EFNA5: variants seen among roughly 807,000 people sequenced by gnomAD.
EFNA5 encodes ephrin A5.
In EFNA5, 5 loss-of-function variants were observed where a neutral mutation model predicts 22.9. That is an observed-to-expected ratio of 0.22 (90% CI 0.11 to 0.46). The LOEUF is 0.46. EFNA5 is among the 20% of genes least tolerant of loss of function. The pLI, the probability that EFNA5 is intolerant of heterozygous loss-of-function variation, is 0.99. For synonymous variants in EFNA5, 113 were observed against 112.2 expected (o/e 1.01, Z -0.04); for missense variants, 237 against 293.3 (o/e 0.81, Z 1.40).
At chr5:107,482,710 C>T (rs1389760864) in intron 1 of EFNA5, among the ~76,000 whole-genome samples, 2 of 152,024 alleles carry the variant, frequency 1.3e-5, no homozygotes, top group Non-Finnish European at 2.9e-5. Context: ...AGGACCCTCC[C>T]TGCACCAGGC....
intron 1 of EFNA5, among the ~76,000 whole-genome samples, chr5:107,440,606 AC>A (rs1427481786): frequency 6.6e-6 from 1 of 152,200 alleles, no homozygotes; most frequent in Non-Finnish European, 1.5e-5. Context: ...CTTTGAGAAG[AC>A]AGGGTCACAA....
At chr5:107,403,096 C>T (rs973908540) in intron 2 of EFNA5, among the ~76,000 whole-genome samples, 1 of 152,182 alleles carries the variant, frequency 6.6e-6, no homozygotes, top group Non-Finnish European at 1.5e-5. Context: ...ACTCAAGATG[C>T]GCATGACATG....
At chr5:107,439,018 A>AT (rs570055022) in intron 1 of EFNA5, among the ~76,000 whole-genome samples, 91 of 151,798 alleles carry the variant, frequency 6.0e-4, no homozygotes, top group African/African-American at 2.0e-3. Context: ...CTATTTTAGG[A>AT]TTTTTTTTCT....
chr5:107,612,647 GC>G (rs1273938876), intron 1 of EFNA5, among the ~76,000 whole-genome samples: 1 of 152,100 alleles, frequency 6.6e-6, no homozygotes, highest in African/African-American at 2.4e-5. Context: ...GGATATAGAA[GC>G]AAACAGAAGC....
intron 1 of EFNA5, among the ~76,000 whole-genome samples, chr5:107,454,859 G>T (rs1454745853): frequency 6.6e-6 from 1 of 152,054 alleles, no homozygotes; most frequent in Admixed American, 6.6e-5. Flanking sequence ...TTCCACTGTG[G>T]CTATGAGAGA....
intron 1 of EFNA5, among the ~76,000 whole-genome samples, chr5:107,668,289 TG>T (rs1329964711): frequency 6.6e-6 from 1 of 152,230 alleles, no homozygotes; most frequent in Middle Eastern, 3.2e-3. Flanking sequence ...TAACTTTGTC[TG>T]GGCAGGTTCA....
At chr5:107,415,546 T>G (rs920736678) in intron 2 of EFNA5, among the ~76,000 whole-genome samples, 10 of 152,112 alleles carry the variant, frequency 6.6e-5, no homozygotes, top group Non-Finnish European at 8.8e-5. Context: ...GAAGCTTGTT[T>G]TTTGGAGGGC....
chr5:107,480,678 ACAGAGCTCTC>A (rs1354907260), intron 1 of EFNA5, among the ~76,000 whole-genome samples: 1 of 152,174 alleles, frequency 6.6e-6, no homozygotes, highest in East Asian at 1.9e-4. Flanking sequence ...AGACTGCTTC[ACAGAGCTCTC>A]CATGAGCAGG....
chr5:107,663,360 T>C (rs1300918704), intron 1 of EFNA5, among the ~76,000 whole-genome samples: 1 of 152,162 alleles, frequency 6.6e-6, no homozygotes, highest in Non-Finnish European at 1.5e-5. Context: ...TATATTATAC[T>C]GCGTGGTTAT....
At chr5:107,621,507 C>T (rs887786492) in intron 1 of EFNA5, among the ~76,000 whole-genome samples, 1 of 152,158 alleles carries the variant, frequency 6.6e-6, no homozygotes. Context: ...AACAAAATTT[C>T]ATATCTGATT....
intron 2 of EFNA5, among the ~76,000 whole-genome samples, chr5:107,402,226 C>A (rs887026444): frequency 6.6e-6 from 1 of 152,044 alleles, no homozygotes; most frequent in African/African-American, 2.4e-5. Flanking sequence ...TAGAAAAGAG[C>A]GATGAAGATG....
chr5:107,403,757 C>T (rs1748146695), intron 2 of EFNA5, among the ~76,000 whole-genome samples: 1 of 152,104 alleles, frequency 6.6e-6, no homozygotes, highest in African/African-American at 2.4e-5. Context: ...TTTCTAGTGC[C>T]ACATTCTTTC....
intron 1 of EFNA5, among the ~76,000 whole-genome samples, chr5:107,660,579 C>G (rs1007972099): frequency 2.0e-5 from 3 of 151,674 alleles, no homozygotes; most frequent in Non-Finnish European, 2.9e-5. Context: ...GTAAAGAGTA[C>G]AAAGATTTCA....
intron 1 of EFNA5, among the ~76,000 whole-genome samples, chr5:107,575,242 A>G (rs548600637): frequency 6.6e-6 from 1 of 152,356 alleles, no homozygotes; most frequent in South Asian, 2.1e-4. Context: ...GTGATCTTTA[A>G]GTAATCAGGA....
At chr5:107,384,892 G>A (rs1473001780) in intron 4 of EFNA5, among the ~76,000 whole-genome samples, 2 of 149,744 alleles carry the variant, frequency 1.3e-5, no homozygotes, top group Non-Finnish European at 3.0e-5. Context: ...GGGATTATAG[G>A]TGTGAGGCAC....
chr5:107,522,343 T>C (rs1747615609), intron 1 of EFNA5, among the ~76,000 whole-genome samples: 2 of 152,220 alleles, frequency 1.3e-5, no homozygotes, highest in Admixed American at 1.3e-4. Flanking sequence ...ACTTTATGCC[T>C]CACAGAGCCA....
chr5:107,559,371 T>C (rs140305725), intron 1 of EFNA5, among the ~76,000 whole-genome samples: 54 of 152,338 alleles, frequency 3.5e-4, no homozygotes, highest in African/African-American at 1.2e-3. Context: ...AATATACATG[T>C]ATATATATTT....
intron 1 of EFNA5, among the ~76,000 whole-genome samples, chr5:107,598,675 C>G (rs1002029581): frequency 6.6e-6 from 1 of 152,168 alleles, no homozygotes; most frequent in African/African-American, 2.4e-5. Flanking sequence ...AATTCAGAAT[C>G]AGAATTATGA....
chr5:107,525,047 G>A (rs1447433070), intron 1 of EFNA5, among the ~76,000 whole-genome samples: 1 of 152,120 alleles, frequency 6.6e-6, no homozygotes, highest in Admixed American at 6.6e-5. Context: ...TAAGGGAAAA[G>A]AACACAAGCT....
Sources: allele counts gnomAD v4.1 joint callset (sites outside exome capture counted in the v4.1 genomes callset), GRCh38; gene constraint gnomAD v4.1.1; transcripts MANE v1.5; gene names NCBI Gene and HGNC (gene_info 2026-07-23, HGNC 2026-07-21).